PTPRB: variants seen among roughly 807,000 people sequenced by gnomAD.
The protein encoded by PTPRB is protein tyrosine phosphatase receptor type B.
Under a neutral mutation model 238.1 loss-of-function variants are expected in PTPRB, and 97 were observed. The ratio of observed to expected loss-of-function variants is 0.41; its 90% CI spans 0.35 to 0.48. The LOEUF (loss-of-function observed/expected upper bound fraction) is 0.48, where lower values mean the gene tolerates loss of function less well. Ranked by LOEUF, PTPRB falls within the 20% of genes least tolerant of loss-of-function variation. The probability of loss-of-function intolerance (pLI) is 0.30; values close to 1 mark genes in which losing one functional copy is unlikely to be tolerated. For missense variants in PTPRB, 2,292 were observed against 2,681.9 expected (o/e 0.85, Z 3.21); for synonymous variants, 970 against 995.4 (o/e 0.97, Z 0.48).
intron 2 of PTPRB, among the ~76,000 whole-genome samples, chr12:70,633,308 T>C (rs1263712706): frequency 6.6e-6 from 1 of 152,134 alleles, no homozygotes; most frequent in Non-Finnish European, 1.5e-5. Flanking sequence ...GGCATGGTGA[T>C]TCATGCCTGT....
Position 70,596,224 on chromosome 12 carries a change from C to G in PTPRB, c.1083G>C (p.Glu361Asp), listed in dbSNP as rs888237394. Residue 361 changes from glutamate to aspartate, a missense_variant, in exon 5 of 34, where the codon GAG becomes GAC. Glu to Asp is a conservative substitution (Grantham distance 45). Around this residue, in one of 4 missense-constraint regions of PTPRB, gnomAD observed 1,205 missense variants for 1,287.8 expected, o/e 0.94. Coordinates refer to ENST00000334414, the MANE Select transcript of PTPRB (RefSeq NM_001109754.4). ...GGTTATTTTCATCAAATAATTGCAC[C>G]TCATATGAGGTGACTTTTCCGGAAG... is the stretch of plus-strand genomic sequence containing the variant. ...TPSSGKVTSY[E>D]VQLFDENNQK... 6.2e-7 allele frequency: 1 copy of G among 1,613,276 alleles called. No individual in the cohort carries two copies. The highest frequency in any genetic ancestry group is 8.5e-7 in the Non-Finnish European group (1 of 1,179,782).
intron 3 of PTPRB, among the ~76,000 whole-genome samples, 192 bp downstream of exon 3, chr12:70,622,198 A>G (rs1380023691): frequency 6.6e-6 from 1 of 152,200 alleles, no homozygotes; most frequent in African/African-American, 2.4e-5. Context: ...ATAAAGATAT[A>G]GAAATTTTGA....
chr12:70,546,152 A>G (rs1875940843), intron 21 of PTPRB, among the ~76,000 whole-genome samples: 1 of 151,870 alleles, frequency 6.6e-6, no homozygotes, highest in Non-Finnish European at 1.5e-5. Context: ...AAAAAAAAAA[A>G]ATGACAGACT....
chr12:70,601,989 G>A lies in PTPRB; in HGVS notation c.980-5662C>T, dbSNP rs1271311403. Among the ~76,000 whole-genome samples the A allele has an allele frequency of 3.3e-5, 5 of 151,640 alleles. No homozygotes were observed. The South Asian group carries it at 1.0e-3, about 32-fold the overall frequency. On this transcript the variant is annotated intron_variant, in intron 4 of 33. Coordinates refer to ENST00000334414, the MANE Select transcript of PTPRB (RefSeq NM_001109754.4). ...TTTTTGTATTTTTAGTAGAGACGGG[G>A]TTTCACCGTGTTAGCCAGGATGGTC...
rs1186301498 is a variant in PTPRB, at chr12:70,560,951, A to G, written c.4169-17T>C. ...AGGCTGGGACTTAAACAGAAGAAAA[A>G]TTGTTACTGAGAACAAAACAGAAAC... On this transcript the variant is annotated splice_polypyrimidine_tract_variant and intron_variant, in intron 16 of 33. Transcript: ENST00000334414. The surrounding 1 kb of genome is among the most constrained non-coding windows in gnomAD (Gnocchi z 4.2). 6.2e-6 allele frequency: 10 copies of G among 1,606,444 alleles called. No individual in the cohort carries two copies. The highest frequency in any genetic ancestry group is 8.5e-6 in the Non-Finnish European group (10 of 1,174,224).
chr12:70,564,880 AATAATAAT>A (rs1565949890), intron 15 of PTPRB, among the ~76,000 whole-genome samples: 8 of 45,614 alleles, frequency 1.8e-4, no homozygotes, highest in Admixed American at 6.4e-4. Flanking sequence ...TAATAATAAT[AATAATAAT>A]AAATAGATAG....
At position 70,596,340 on chromosome 12, in the gene PTPRB, TAC is replaced by T. The variant is rs1555234328; in HGVS notation, c.980-15_980-14del. Reference sequence around the variant, plus strand: ...GGAGGTAAAGGATCTGCAAGGCAAATACACACACACACACAAAAAAAAAAAAG... The same window carrying T: ...GGAGGTAAAGGATCTGCAAGGCAAATACACACACACACAAAAAAAAAAAAG... On this transcript the variant is annotated splice_polypyrimidine_tract_variant and intron_variant, in intron 4 of 33. Coordinates refer to ENST00000334414, the MANE Select transcript of PTPRB (RefSeq NM_001109754.4). 1.2e-4 allele frequency: 154 copies of T among 1,262,106 alleles called. No homozygotes were observed. Among genetic ancestry groups the T allele is most frequent in the Middle Eastern group, 2.6e-4 (1 of 3,890 alleles). 78.2% of individuals were successfully genotyped at this position (1,262,106 alleles called of 1,614,324 possible).
intron 9 of PTPRB, among the ~76,000 whole-genome samples, chr12:70,583,428 G>A (rs1881584818): frequency 6.6e-6 from 1 of 152,166 alleles, no homozygotes. Flanking sequence ...GAACTGTTGT[G>A]TTGAGAGCAC....
Position 70,560,614 on chromosome 12 carries a change from G to T in PTPRB, c.4432+57C>A. On this transcript the variant is annotated intron_variant, in intron 17 of 33. Coordinates refer to ENST00000334414, the MANE Select transcript of PTPRB (RefSeq NM_001109754.4). This position sits in a 1 kb window ranked among gnomAD's most constrained non-coding sequence, Gnocchi z 4.2. ...TTGTCATTAAAATCAGAATCAAAAT[G>T]TGTCTCTGGAAGCTACTTCCCACCA... 1 of 1,591,560 alleles carries T rather than the reference G, an allele frequency of 6.3e-7. No individual in the cohort carries two copies. Among genetic ancestry groups the T allele is most frequent in the Non-Finnish European group, 8.6e-7 (1 of 1,167,174 alleles).
At chr12:70,585,644 T>TTTAAAAAA (rs1881828910) in intron 9 of PTPRB, among the ~76,000 whole-genome samples, 1 of 152,062 alleles carries the variant, frequency 6.6e-6, no homozygotes, top group Non-Finnish European at 1.5e-5. Context: ...TAAAAATTAA[T>TTTAAAAAA]TAATTAATTA....
chr12:70,626,839 CTAAA>C (rs1052081707), intron 2 of PTPRB, among the ~76,000 whole-genome samples: 6 of 151,604 alleles, frequency 4.0e-5, no homozygotes, highest in Middle Eastern at 6.9e-3. Context: ...TGATAATGGA[CTAAA>C]TAATTATTGG....
rs1160584136 is a variant in PTPRB, at chr12:70,520,913, A to T, written c.*576T>A. 1 of 152,356 alleles carries T rather than the reference A, an allele frequency of 6.6e-6. No homozygotes were observed. The highest frequency in any genetic ancestry group is 2.4e-5 in the African/African-American group (1 of 41,446). The allele number at this position is 152,356 out of a possible 1,614,324, so 9.4% of individuals were successfully genotyped here. On this transcript the variant is annotated 3_prime_UTR_variant, in exon 34 of 34. Transcript: ENST00000334414. Reference sequence around the variant, plus strand: ...GAGAGCAACTAGTTCAGACACAAGCATCTAGTTCAGCTTTGGTACTGCTTA... The same window carrying T: ...GAGAGCAACTAGTTCAGACACAAGCTTCTAGTTCAGCTTTGGTACTGCTTA...
At chr12:70,552,495 A>AT (rs1555224823) in intron 21 of PTPRB, among the ~76,000 whole-genome samples, 2 of 134,290 alleles carry the variant, frequency 1.5e-5, no homozygotes, top group Admixed American at 7.1e-5. Flanking sequence ...AAAAAAAAAA[A>AT]AAAAATAATG....
At chr12:70,528,224 C>T (rs756708987) in intron 32 of PTPRB, among the ~76,000 whole-genome samples, 8 of 152,016 alleles carry the variant, frequency 5.3e-5, no homozygotes, top group Non-Finnish European at 1.0e-4. Flanking sequence ...TCTGGCAGAC[C>T]CTAAACACTG....
intron 32 of PTPRB, 93 bp from the exon 33 acceptor site, chr12:70,524,684 A>G: frequency 7.6e-7 from 1 of 1,317,086 alleles, no homozygotes; most frequent in Non-Finnish European, 1.0e-6. Context: ...ATGGGATTAT[A>G]TAGTTAGCAA....
At chr12:70,531,957 A>T (rs1479923250) in intron 32 of PTPRB, 78 bp downstream of exon 32, 1 of 1,534,090 alleles carries the variant, frequency 6.5e-7, no homozygotes, top group Non-Finnish European at 9.0e-7. Flanking sequence ...CCCTTGTCAG[A>T]TTAAGGTCCT....
chr12:70,524,262 G>C (rs1166552154), intron 33 of PTPRB, among the ~76,000 whole-genome samples: 1 of 150,098 alleles, frequency 6.7e-6, no homozygotes, highest in Non-Finnish European at 1.5e-5. Context: ...CATGCACCAT[G>C]ATGTCTGGCT....
chr12:70,554,250 T>C (rs1159709686), intron 20 of PTPRB, among the ~76,000 whole-genome samples: 1 of 152,222 alleles, frequency 6.6e-6, no homozygotes, highest in Non-Finnish European at 1.5e-5. Context: ...GTTTGTCAGG[T>C]TTCAAGTTTC....
intron 22 of PTPRB, among the ~76,000 whole-genome samples, chr12:70,543,742 G>A (rs1875531050): frequency 6.6e-6 from 1 of 152,196 alleles, no homozygotes; most frequent in South Asian, 2.1e-4. Flanking sequence ...GCTATTCTCA[G>A]CCTGGTGGAA....
Sources: gnomAD v4.1 joint callset for allele counts (sites outside exome capture counted in the v4.1 genomes callset) on GRCh38, gnomAD v4.1.1 for gene constraint, gnomAD v4.1.1 regional missense constraint, Gnocchi (gnomAD v3.1) non-coding constraint, MANE v1.5 for transcripts, NCBI Gene and HGNC (gene_info 2026-07-23, HGNC 2026-07-21) for gene names.